Variants in CRY1 observed in about 807,000 individuals in gnomAD.
CRY1 encodes cryptochrome-1.
In CRY1, 45 loss-of-function variants were observed where a neutral mutation model predicts 76.0. That is an observed-to-expected ratio of 0.59 (90% CI 0.47 to 0.76). The LOEUF (loss-of-function observed/expected upper bound fraction) is 0.76, where lower values mean the gene tolerates loss of function less well. Among genes scored for constraint, CRY1 ranks in the 30% least tolerant of loss-of-function variants. The pLI is 0.00. For missense variants in CRY1, 587 were observed against 716.4 expected, an observed-to-expected ratio of 0.82 and a Z score of 2.06; for synonymous variants, 248 against 244.0, an observed-to-expected ratio of 1.02 and a Z score of -0.15.
chr12:107,011,372 A>C (rs11113162), intron 2 of CRY1, among the ~76,000 whole-genome samples: 3 of 146,818 alleles, frequency 2.0e-5, no homozygotes, highest in Non-Finnish European at 4.5e-5. Context: ...AAAAAAAAAA[A>C]CAAAAAAGAA....
intron 1 of CRY1, among the ~76,000 whole-genome samples, chr12:107,036,079 T>C (rs1040524667): frequency 2.0e-5 from 3 of 152,222 alleles, no homozygotes; most frequent in Non-Finnish European, 4.4e-5. Context: ...TTCTATAATT[T>C]CAACACAAGG....
rs150225079 is a variant in CRY1, at chr12:107,044,396, C to A, written c.159-22204G>T. Among the ~76,000 whole-genome samples the A allele has an allele frequency of 1.6e-4, 24 of 152,256 alleles. No individual in the cohort carries two copies. In the East Asian group the frequency reaches 4.2e-3, roughly 27 times the overall value. On this transcript the variant is annotated intron_variant, in intron 1 of 12. Transcript: ENST00000008527. Reference sequence around the variant, plus strand: ...CTACAGCCTAGGCTACTGAGGTGCCCACAGTTATTGCTGATGTTCAATGCA... The same window carrying A: ...CTACAGCCTAGGCTACTGAGGTGCCAACAGTTATTGCTGATGTTCAATGCA...
intron 1 of CRY1, among the ~76,000 whole-genome samples, chr12:107,076,608 C>G (rs1474847655): frequency 6.9e-6 from 1 of 143,966 alleles, no homozygotes; most frequent in African/African-American, 2.7e-5. Context: ...AAATGAGACC[C>G]TGCCTCAAAG....
At chr12:107,029,606 C>CAA (rs35485801) in intron 1 of CRY1, among the ~76,000 whole-genome samples, 1,626 of 112,226 alleles carry the variant, frequency 0.014, 40 homozygotes, top group African/African-American at 0.047. Flanking sequence ...GGTCTTGCCT[C>CAA]AAAAAAAAAA....
At chr12:107,009,566 AT>A (rs1555275550) in intron 2 of CRY1, among the ~76,000 whole-genome samples, 1 of 29,368 alleles carries the variant, frequency 3.4e-5, no homozygotes, top group African/African-American at 1.7e-4. Context: ...AAAAAAACAT[AT>A]ATATATATAT....
At chr12:107,032,131 G>A (rs1565831335) in intron 1 of CRY1, among the ~76,000 whole-genome samples, 1 of 150,624 alleles carries the variant, frequency 6.6e-6, no homozygotes, top group Admixed American at 6.6e-5. Context: ...ACGGGGTTTC[G>A]CCACGTTGGC....
At chr12:107,016,360 A>G (rs1952498442) in intron 2 of CRY1, among the ~76,000 whole-genome samples, 1 of 152,100 alleles carries the variant, frequency 6.6e-6, no homozygotes, top group Non-Finnish European at 1.5e-5. Flanking sequence ...TAGCACTCCC[A>G]AACAATTTTA....
intron 1 of CRY1, among the ~76,000 whole-genome samples, chr12:107,077,236 T>C (rs1045945105): frequency 6.6e-6 from 1 of 152,158 alleles, no homozygotes; most frequent in African/African-American, 2.4e-5. Context: ...AAGTTGTCTT[T>C]CCTTTGTGCT....
intron 1 of CRY1, among the ~76,000 whole-genome samples, chr12:107,040,227 G>A (rs1952781336): frequency 6.6e-6 from 1 of 151,438 alleles, no homozygotes; most frequent in Non-Finnish European, 1.5e-5. Flanking sequence ...GTTGCTAATC[G>A]ACAGGTATAC....
chr12:107,082,092 A>C (rs563395270), intron 1 of CRY1, among the ~76,000 whole-genome samples: 23 of 152,098 alleles, frequency 1.5e-4, no homozygotes, highest in African/African-American at 4.6e-4. Flanking sequence ...AAGATAAAAA[A>C]AGACAAAGAA....
At chr12:107,050,879 A>G (rs945623102) in intron 1 of CRY1, among the ~76,000 whole-genome samples, 1 of 152,220 alleles carries the variant, frequency 6.6e-6, no homozygotes, top group Admixed American at 6.5e-5. Flanking sequence ...GCAGCATGAA[A>G]GAAAGGAAGA....
intron 1 of CRY1, among the ~76,000 whole-genome samples, chr12:107,057,023 A>T (rs1450754555): frequency 1.3e-5 from 2 of 152,186 alleles, no homozygotes; most frequent in African/African-American, 4.8e-5. Flanking sequence ...AAGTAAAGTG[A>T]TTACAGATGA....
chr12:107,085,604 G>C (rs1953389681), intron 1 of CRY1, among the ~76,000 whole-genome samples: 2 of 152,100 alleles, frequency 1.3e-5, no homozygotes, highest in African/African-American at 4.8e-5. Context: ...AGTAGGAGTT[G>C]AACAATGAGA....
chr12:107,092,640 G>A lies in CRY1; in HGVS notation c.158+164C>T, dbSNP rs934836445. 2.1e-4 allele frequency among the ~76,000 whole-genome samples: 32 copies of A among 152,336 alleles called. 1 individual carries two copies. Among genetic ancestry groups the A allele is most frequent in the African/African-American group, 7.2e-4 (30 of 41,578 alleles). ...TCGTCAGTACTCTTTGGCCAGAGAA[G>A]TATTAAGTCAATTCTATTTAATACT... On this transcript the variant is annotated intron_variant, in intron 1 of 12. Coordinates refer to ENST00000008527, the MANE Select transcript of CRY1 (RefSeq NM_004075.5).
chr12:107,086,344 C>T (rs1593547604), intron 1 of CRY1, among the ~76,000 whole-genome samples: 2 of 152,302 alleles, frequency 1.3e-5, no homozygotes, highest in South Asian at 2.1e-4. Flanking sequence ...ATCCAAACTA[C>T]CTAGCCCCAG....
intron 1 of CRY1, among the ~76,000 whole-genome samples, chr12:107,033,769 A>T (rs1196881331): frequency 6.6e-6 from 1 of 151,584 alleles, no homozygotes; most frequent in Non-Finnish European, 1.5e-5. Context: ...TAGGGAAAAC[A>T]GCATATGTAA....
At chr12:107,059,798 A>G (rs1953027427) in intron 1 of CRY1, among the ~76,000 whole-genome samples, 1 of 152,236 alleles carries the variant, frequency 6.6e-6, no homozygotes, top group Non-Finnish European at 1.5e-5. Flanking sequence ...AAGGCTCTGC[A>G]TTTAGGTTCA....
At chr12:107,052,481 G>A (rs1274603525) in intron 1 of CRY1, among the ~76,000 whole-genome samples, 2 of 152,128 alleles carry the variant, frequency 1.3e-5, no homozygotes, top group African/African-American at 4.8e-5. Flanking sequence ...TCTAGAAGGA[G>A]AGGGAGTAAA....
In CRY1 at chr12:107,093,125, C is replaced by A. The variant is rs1012013682; in HGVS notation, c.-164G>T. ...ACTCCGAGGAGGGGACCGGAGAAGG[C>A]GGGGGCGCCGGAGGCGCAGTGGAAA... On this transcript the variant is annotated 5_prime_UTR_variant, in exon 1 of 13. Transcript: ENST00000008527. 2.4e-6 allele frequency: 2 copies of A among 826,512 alleles called. No individual in the cohort carries two copies. The highest frequency in any genetic ancestry group is 3.8e-4 in the Middle Eastern group (1 of 2,666). 51.2% of individuals were successfully genotyped at this position (826,512 alleles called of 1,614,324 possible). A position where few individuals can be genotyped will look rare whatever the true frequency, so the allele number is the denominator to read the frequency against.
Sources: gnomAD v4.1 joint callset for allele counts (sites outside exome capture counted in the v4.1 genomes callset) on GRCh38, gnomAD v4.1.1 for gene constraint, MANE v1.5 for transcripts, NCBI Gene and HGNC (gene_info 2026-07-23, HGNC 2026-07-21) for gene names.